The following PLA2G4D variants were observed in gnomAD, a reference collection of about 807,000 sequenced individuals.
PLA2G4D encodes cytosolic phospholipase A2 delta.
PLA2G4D carries 80 observed loss-of-function variants against 94.4 expected under a neutral mutation model. That is an observed-to-expected ratio of 0.85 (90% CI 0.71 to 1.02). PLA2G4D has a LOEUF of 1.02. PLA2G4D is among the 50% of genes least tolerant of loss of function. The probability of loss-of-function intolerance (pLI) is 0.00; values close to 1 mark genes in which losing one functional copy is unlikely to be tolerated. For missense variants in PLA2G4D, 1,050 were observed against 1,034.7 expected (o/e 1.01, Z -0.20); for synonymous variants, 438 against 440.9 (o/e 0.99, Z 0.08).
At position 42,070,072 on chromosome 15, in the gene PLA2G4D, G is replaced by C; in HGVS notation, c.2067C>G (p.Tyr689Ter). 6.6e-7 allele frequency: 1 copy of C among 1,519,782 alleles called. No homozygotes were observed. Among genetic ancestry groups the C allele is most frequent in the South Asian group, 1.3e-5 (1 of 79,358 alleles). The allele number at this position is 1,519,782 out of a possible 1,614,324, so 94.1% of individuals were successfully genotyped here. The stretch of plus-strand genomic sequence containing the variant: ...GGAAGGGCAGCCCCCGGGCCCGGCA[G>C]TACAGCTCCGTCTGCTGCAGTGCCT... ...PFEALQQTEL[Y>*]CRARGLPFPR... The change falls in exon 19 of 20, where the codon TAC (tyrosine) becomes TAG (stop). Residue 689 changes from tyrosine to a stop codon, truncating the protein, a stop_gained. Coordinates refer to ENST00000290472, the MANE Select transcript of PLA2G4D (RefSeq NM_178034.4). LOFTEE classifies it high-confidence loss of function.
intron 1 of PLA2G4D, among the ~76,000 whole-genome samples, chr15:42,090,208 G>T (rs979936962): frequency 6.6e-6 from 1 of 151,884 alleles, no homozygotes; most frequent in African/African-American, 2.4e-5. Flanking sequence ...TAATAGTTTT[G>T]ACCTCACATA....
Position 42,071,777 on chromosome 15 carries a change from C to A in PLA2G4D, c.1570G>T (p.Glu524Ter). 6.2e-7 allele frequency: 1 copy of A among 1,613,934 alleles called. No individual in the cohort carries two copies. Among genetic ancestry groups the A allele is most frequent in the East Asian group, 2.2e-5 (1 of 44,852 alleles). Residue 524 changes from glutamate (E) to a stop codon, truncating the protein, a stop_gained, in exon 15 of 20, where the codon GAA becomes TAA. Transcript: ENST00000290472. LOFTEE classifies it high-confidence loss of function. The stretch of plus-strand genomic sequence containing the variant: ...CCTTCAGAGCCACCACCCTCACCTT[C>A]CAGAAAGCAGATCCGGGGCTCCGGG... ...RIPEPRICFLEAIWSNIFSLN... is the reference protein window; with the variant it reads ...RIPEPRICFL
intron 2 of PLA2G4D, 28 bp downstream of exon 2, chr15:42,087,600 C>G: frequency 6.2e-7 from 1 of 1,613,638 alleles, no homozygotes; most frequent in Non-Finnish European, 8.5e-7. Flanking sequence ...TCCCTGCTCC[C>G]GACAGAGCGC....
At chr15:42,082,225 C>T in intron 9 of PLA2G4D, 54 bp downstream of exon 9, 3 of 1,462,112 alleles carry the variant, frequency 2.1e-6, no homozygotes, top group Non-Finnish European at 2.9e-6. Context: ...AGCCACAGAG[C>T]CCAGCCTTAT....
Position 42,080,977 on chromosome 15 carries a change from C to T in PLA2G4D, c.1094+20G>A, listed in dbSNP as rs1566863075. ...ATGGCCCCTGATTGTCTCTGCCACC[C>T]AGTCCCCCAGGATCCTCACCACGTA... On this transcript the variant is annotated intron_variant, in intron 12 of 19. Transcript: ENST00000290472. The T allele has an allele frequency of 1.2e-6, 2 of 1,611,320 alleles. No homozygotes were observed. The highest frequency in any genetic ancestry group is 2.2e-5 in the East Asian group (1 of 44,814).
chr15:42,086,603 C>A (rs577692863), intron 3 of PLA2G4D, among the ~76,000 whole-genome samples: 1 of 152,250 alleles, frequency 6.6e-6, no homozygotes, highest in South Asian at 2.1e-4. Context: ...TGTTATCCAG[C>A]ACTTTGGGAG....
rs1034642828 is a variant in PLA2G4D, at chr15:42,087,230, T to C, written c.255+70A>G. 6 of 1,596,488 alleles carry C rather than the reference T, an allele frequency of 3.8e-6. No individual in the cohort carries two copies. In the Admixed American group the frequency reaches 1.0e-4, roughly 27 times the overall value. On this transcript the variant is annotated intron_variant, in intron 3 of 19. Coordinates refer to ENST00000290472, the MANE Select transcript of PLA2G4D (RefSeq NM_178034.4). Reference sequence around the variant, plus strand: ...TGACAGCCCCAGAGGAAGCATGCTCTACCCCAGGAACCCTTGCATGGGGGT... The same window carrying C: ...TGACAGCCCCAGAGGAAGCATGCTCCACCCCAGGAACCCTTGCATGGGGGT...
At chr15:42,072,081 C>G (rs537619733) in intron 14 of PLA2G4D, among the ~76,000 whole-genome samples, 170 bp from the exon 15 acceptor site, 4 of 152,284 alleles carry the variant, frequency 2.6e-5, no homozygotes, top group African/African-American at 9.6e-5. Flanking sequence ...ACACCCCTCC[C>G]AGCCCTTGGT....
chr15:42,086,564 A>C (rs557983837), intron 3 of PLA2G4D, among the ~76,000 whole-genome samples: 1 of 152,182 alleles, frequency 6.6e-6, no homozygotes, highest in Non-Finnish European at 1.5e-5. Flanking sequence ...CAAACATAAA[A>C]TTCTGAGCTG....
intron 6 of PLA2G4D, chr15:42,083,988 C>G (rs527237215): frequency 2.5e-4 from 141 of 572,010 alleles, no homozygotes; most frequent in African/African-American, 2.4e-3. Context: ...CAGGAGGGCC[C>G]TGGCTCCACA....
intron 1 of PLA2G4D, among the ~76,000 whole-genome samples, chr15:42,092,901 GA>G (rs939055776): frequency 1.3e-5 from 2 of 152,232 alleles, no homozygotes; most frequent in African/African-American, 4.8e-5. Flanking sequence ...CAGGAAGAGA[GA>G]AATGAGCAGA....
At position 42,067,985 on chromosome 15, in the gene PLA2G4D, A is replaced by C. The variant is rs1228341041; in HGVS notation, c.*730T>G. ...AATAAATAAAAGGCATTCAGATCAG[A>C]CAGGAAGAAGTAAAACCATCTCTAT... is the stretch of plus-strand genomic sequence containing the variant. On this transcript the variant is annotated 3_prime_UTR_variant, in exon 20 of 20. Transcript: ENST00000290472. The C allele has an allele frequency of 6.6e-6, 1 of 152,254 alleles. No homozygotes were observed. The highest frequency in any genetic ancestry group is 1.5e-5 in the Non-Finnish European group (1 of 68,060). The allele number at this position is 152,254 out of a possible 1,614,324, so 9.4% of individuals were successfully genotyped here.
chr15:42,070,075 C>G lies in PLA2G4D; in HGVS notation c.2064G>C (p.Leu688=), dbSNP rs751212234. The G allele has an allele frequency of 2.3e-5, 35 of 1,518,594 alleles. No homozygotes were observed. Among genetic ancestry groups the G allele is most frequent in the Non-Finnish European group, 2.9e-5 (33 of 1,133,860 alleles). The allele number at this position is 1,518,594 out of a possible 1,614,324, so 94.1% of individuals were successfully genotyped here. A position where few individuals can be genotyped will look rare whatever the true frequency, so the allele number is the denominator to read the frequency against. Residue 688 remains leucine, a synonymous_variant, in exon 19 of 20, where the codon CTG becomes CTC. Transcript: ENST00000290472. ...AGGGCAGCCCCCGGGCCCGGCAGTA[C>G]AGCTCCGTCTGCTGCAGTGCCTGGT... is the stretch of plus-strand genomic sequence containing the variant. The part of the protein sequence containing the change: ...APFEALQQTE[L]YCRARGLPFP...
chr15:42,071,839 C>G lies in PLA2G4D; in HGVS notation c.1508G>C (p.Gly503Ala). The change falls in exon 15 of 20, where the codon GGC becomes GCC. Residue 503 changes from glycine (G) to alanine (A), a missense_variant. Physicochemically the swap from Gly to Ala is moderately conservative, Grantham distance 60. Coordinates refer to ENST00000290472, the MANE Select transcript of PLA2G4D (RefSeq NM_178034.4). ...CAGCCGTCCCATGAAGAACTCGGAG[C>G]CGAAGAGCTCAGGAGGGACGAAGGC... ...YGAFVPPELF[G>A]SEFFMGRLMR... 1 of 1,614,156 alleles carries G rather than the reference C, an allele frequency of 6.2e-7. No homozygotes were observed. Among genetic ancestry groups the G allele is most frequent in the South Asian group, 1.1e-5 (1 of 91,080 alleles).
In PLA2G4D at chr15:42,085,180, T is replaced by G. The variant is rs775410919; in HGVS notation, c.429-42A>C. 17 of 1,612,640 alleles carry G rather than the reference T, an allele frequency of 1.1e-5. No individual in the cohort carries two copies. The South Asian group carries it at 1.8e-4, about 17-fold the overall frequency. On this transcript the variant is annotated intron_variant, in intron 5 of 19. Coordinates refer to ENST00000290472, the MANE Select transcript of PLA2G4D (RefSeq NM_178034.4). The stretch of plus-strand genomic sequence containing the variant: ...ATGCAAAGGCAAACGCTTCCTGCAT[T>G]GACCTCCCGCTCCCGCCCATGTGGG...
chr15:42,071,733 G>GGCCCAGGGCT (rs772226842), intron 15 of PLA2G4D, 41 bp downstream of exon 15: 1 of 1,604,414 alleles, frequency 6.2e-7, no homozygotes, highest in African/African-American at 1.4e-5. Flanking sequence ...TCAGACACCT[G>GGCCCAGGGCT]GCCCAGGGCT....
At position 42,087,346 on chromosome 15, in the gene PLA2G4D, G is replaced by GGAT. The variant is rs774864018; in HGVS notation, c.206_208dup (p.His69dup). ...GAAACGGAAGGCCTCATTCCACACA[G>GGAT]GATGACTGGTGTCGGTGAGCGTCTT... On this transcript the variant is annotated inframe_insertion, in exon 3 of 20. Transcript: ENST00000290472. 201 of 1,614,200 alleles carry GGAT rather than the reference G, an allele frequency of 1.2e-4. 5 individuals are homozygous for GGAT. In the South Asian group the frequency reaches 2.2e-3, roughly 17 times the overall value.
intron 1 of PLA2G4D, among the ~76,000 whole-genome samples, chr15:42,090,691 G>A (rs1000003349): frequency 2.0e-5 from 3 of 152,182 alleles, no homozygotes; most frequent in Non-Finnish European, 4.4e-5. Context: ...CAGTTGTGGG[G>A]CAGACTCAGG....
In PLA2G4D at chr15:42,084,411, T is replaced by C. The variant is rs1414766801; in HGVS notation, c.472-632A>G. The stretch of plus-strand genomic sequence containing the variant: ...GCTTGACTTTATTTTCATGTGTATT[T>C]TTAAAAGTAATACCCGTCCATCAAA... On this transcript the variant is annotated intron_variant, in intron 6 of 19. Transcript: ENST00000290472. This position sits in a 1 kb window ranked among gnomAD's most constrained non-coding sequence, Gnocchi z 4.8. Among the ~76,000 whole-genome samples the C allele has an allele frequency of 6.6e-6, 1 of 152,196 alleles. No homozygotes were observed. The highest frequency in any genetic ancestry group is 1.5e-5 in the Non-Finnish European group (1 of 68,030).
Sources: allele counts gnomAD v4.1 joint callset (sites outside exome capture counted in the v4.1 genomes callset), GRCh38; gene constraint gnomAD v4.1.1; non-coding constraint Gnocchi (gnomAD v3.1); transcripts MANE v1.5; gene names NCBI Gene and HGNC (gene_info 2026-07-23, HGNC 2026-07-21).